Variants in TMEM39A observed in about 807,000 individuals in gnomAD.
The protein encoded by TMEM39A is suppressor of SQST-1 aggregates in rpl-43 mutants.
In TMEM39A, 19 loss-of-function variants were observed where a neutral mutation model predicts 51.9. That is an observed-to-expected ratio of 0.37 (90% CI 0.26 to 0.54). TMEM39A has a LOEUF of 0.54. Ranked by LOEUF, TMEM39A falls within the 20% of genes least tolerant of loss-of-function variation. TMEM39A has a pLI of 0.88. For synonymous variants in TMEM39A, 197 were observed against 220.2 expected (o/e 0.89, Z 0.93); for missense variants, 433 against 590.5 (o/e 0.73, Z 2.76).
intron 7 of TMEM39A, chr3:119,435,429 TCA>T (rs35089447): frequency 2.0e-6 from 2 of 980,506 alleles, no homozygotes; most frequent in South Asian, 4.7e-5. Context: ...GCGATACATC[TCA>T]CACACACACA....
chr3:119,448,659 A>T (rs1463051352), intron 4 of TMEM39A, among the ~76,000 whole-genome samples: 1 of 152,232 alleles, frequency 6.6e-6, no homozygotes, highest in Admixed American at 6.5e-5. Context: ...ACATAGCTTC[A>T]TATAACTCCC....
chr3:119,461,920 C>G, intron 2 of TMEM39A, 42 bp downstream of exon 2: 1 of 1,473,130 alleles, frequency 6.8e-7, no homozygotes, highest in South Asian at 1.2e-5. Context: ...TCTTACTGAT[C>G]AAAGGACATT....
chr3:119,458,265 T>G, intron 2 of TMEM39A, 25 bp from the exon 3 acceptor site: 4 of 1,594,300 alleles, frequency 2.5e-6, no homozygotes, highest in Non-Finnish European at 2.6e-6. Flanking sequence ...TATGGTTAAC[T>G]CAAATGGTGA....
At chr3:119,459,521 C>T (rs957633724) in intron 2 of TMEM39A, among the ~76,000 whole-genome samples, 1 of 152,176 alleles carries the variant, frequency 6.6e-6, no homozygotes, top group Non-Finnish European at 1.5e-5. Context: ...AATAGTTCTT[C>T]TCAAATAAGA....
chr3:119,442,896 C>T (rs1188939294), intron 5 of TMEM39A, among the ~76,000 whole-genome samples: 1 of 151,586 alleles, frequency 6.6e-6, no homozygotes, highest in Non-Finnish European at 1.5e-5. Flanking sequence ...CCCACCTCTA[C>T]AAAAAAACAA....
intron 5 of TMEM39A, chr3:119,446,496 T>C (rs1453310900): frequency 1.3e-5 from 2 of 153,344 alleles, no homozygotes; most frequent in Non-Finnish European, 2.9e-5. Context: ...GCACACAATT[T>C]AAAACATAAT....
chr3:119,434,905 G>A, intron 7 of TMEM39A, 23 bp from the exon 8 acceptor site: 3 of 1,610,326 alleles, frequency 1.9e-6, no homozygotes, highest in Non-Finnish European at 2.5e-6. Context: ...GAAATGCAAT[G>A]TTAGCATATT....
At position 119,429,387 on chromosome 3, in the gene TMEM39A, G is replaced by A. The variant is rs898814368; in HGVS notation, c.*2594C>T. 2.0e-5 allele frequency: 3 copies of A among 151,820 alleles called. No individual in the cohort carries two copies. The highest frequency in any genetic ancestry group is 4.4e-5 in the Non-Finnish European group (3 of 67,902). The allele number at this position is 151,820 out of a possible 1,614,324, so 9.4% of individuals were successfully genotyped here. Reference sequence around the variant, plus strand: ...TCTACTCCTTTATTTACCCACCTTAGACCACCCAGACTAGTCAAGTATCTT... The same window carrying A: ...TCTACTCCTTTATTTACCCACCTTAAACCACCCAGACTAGTCAAGTATCTT... On this transcript the variant is annotated 3_prime_UTR_variant, in exon 9 of 9. Coordinates refer to ENST00000319172, the MANE Select transcript of TMEM39A (RefSeq NM_018266.3).
At chr3:119,461,405 CAA>C (rs2107694525) in intron 2 of TMEM39A, among the ~76,000 whole-genome samples, 1 of 152,264 alleles carries the variant, frequency 6.6e-6, no homozygotes, top group South Asian at 2.1e-4. Flanking sequence ...AAAATCAAGA[CAA>C]GAGAAAAACT....
intron 5 of TMEM39A, among the ~76,000 whole-genome samples, chr3:119,443,816 G>T (rs781654013): frequency 6.6e-6 from 1 of 151,944 alleles, no homozygotes; most frequent in Non-Finnish European, 1.5e-5. Context: ...CCCTAGGATT[G>T]CTTGAGCAAT....
chr3:119,447,905 G>A (rs986131228), intron 4 of TMEM39A, among the ~76,000 whole-genome samples: 2 of 152,164 alleles, frequency 1.3e-5, no homozygotes, highest in Non-Finnish European at 2.9e-5. Context: ...ATGAGCCACT[G>A]TGCCCGGCCT....
chr3:119,435,678 A>T (rs1253178963), intron 7 of TMEM39A: 4 of 328,118 alleles, frequency 1.2e-5, no homozygotes, highest in Non-Finnish European at 1.2e-5. Flanking sequence ...TATGTTATTA[A>T]AAAAAAAAAA....
chr3:119,432,104 T>C lies in TMEM39A; in HGVS notation c.1344A>G (p.Thr448=). The change falls in exon 9 of 9, where the codon ACA becomes ACG. Residue 448 remains threonine (T), a synonymous_variant. Transcript: ENST00000319172. ...AGAAGAGGATGAGAGCCATGGAAAG[T>C]GTGTGGTTCCACTTCTCCGACCGCA... ...SLLRSEKWNH[T]LSMALILFCN... 2 of 1,613,244 alleles carry C rather than the reference T, an allele frequency of 1.2e-6. No individual in the cohort carries two copies. Among genetic ancestry groups the C allele is most frequent in the Non-Finnish European group, 1.7e-6 (2 of 1,179,472 alleles).
chr3:119,438,200 A>T (rs2081001134), intron 5 of TMEM39A, 97 bp from the exon 6 acceptor site: 1 of 897,262 alleles, frequency 1.1e-6, no homozygotes, highest in Admixed American at 2.9e-5. Flanking sequence ...TCAATAAAAT[A>T]GTCAGGACCC....
intron 2 of TMEM39A, among the ~76,000 whole-genome samples, chr3:119,458,596 A>G (rs1185081349): frequency 6.6e-6 from 1 of 152,110 alleles, no homozygotes; most frequent in East Asian, 1.9e-4. Flanking sequence ...CCTGGGAGTC[A>G]TATTAAAACT....
At chr3:119,442,220 G>T (rs369246864) in intron 5 of TMEM39A, among the ~76,000 whole-genome samples, 1 of 151,988 alleles carries the variant, frequency 6.6e-6, no homozygotes, top group Non-Finnish European at 1.5e-5. Flanking sequence ...GCATGCACCT[G>T]TAGTCCCAGC....
intron 4 of TMEM39A, chr3:119,451,133 A>T (rs571932910): frequency 1.6e-6 from 1 of 643,104 alleles, no homozygotes; most frequent in East Asian, 1.0e-4. Context: ...TTCTATTTCC[A>T]TCCTCTAAAT....
At chr3:119,436,122 T>G (rs963257878) in intron 7 of TMEM39A, among the ~76,000 whole-genome samples, 3 of 152,166 alleles carry the variant, frequency 2.0e-5, no homozygotes, top group Admixed American at 6.5e-5. Context: ...GATGAAGGAC[T>G]CAGAAGTGAC....
intron 5 of TMEM39A, among the ~76,000 whole-genome samples, chr3:119,445,485 G>A (rs1276671130): frequency 2.0e-5 from 3 of 152,076 alleles, no homozygotes; most frequent in East Asian, 1.9e-4. Context: ...GGCTGGTCTC[G>A]AACTACTAAC....
Sources: allele counts gnomAD v4.1 joint callset (sites outside exome capture counted in the v4.1 genomes callset), GRCh38; gene constraint gnomAD v4.1.1; transcripts MANE v1.5; gene names NCBI Gene and HGNC (gene_info 2026-07-23, HGNC 2026-07-21).